HEATR5B: variants seen among roughly 807,000 people sequenced by gnomAD.
The protein encoded by HEATR5B is HEAT repeat containing 5B, also known as HEAT repeat-containing protein 5B.
A neutral mutation model predicts 224.1 loss-of-function variants in HEATR5B; 156 were observed. That is an observed-to-expected ratio of 0.70 (90% CI 0.61 to 0.80). HEATR5B has a LOEUF of 0.80. Ranked by LOEUF, HEATR5B falls within the 30% of genes least tolerant of loss-of-function variation. The probability of loss-of-function intolerance (pLI) is 0.00; values close to 1 mark genes in which losing one functional copy is unlikely to be tolerated. For synonymous variants in HEATR5B, 1,027 were observed against 893.0 expected (o/e 1.15, Z -2.68); for missense variants, 2,323 against 2,535.5 (o/e 0.92, Z 1.80).
chr2:37,066,791 T>C (rs1334682969), intron 8 of HEATR5B, among the ~76,000 whole-genome samples: 1 of 152,202 alleles, frequency 6.6e-6, no homozygotes, highest in East Asian at 1.9e-4. Context: ...ACTTTCTTTT[T>C]TGCATTCATT....
At position 37,032,697 on chromosome 2, in the gene HEATR5B, G is replaced by A; in HGVS notation, c.3293C>T (p.Ala1098Val). 1 of 1,613,986 alleles carries A rather than the reference G, an allele frequency of 6.2e-7. No homozygotes were observed. Among genetic ancestry groups the A allele is most frequent in the Non-Finnish European group, 8.5e-7 (1 of 1,179,936 alleles). Residue 1098 changes from alanine to valine, a missense_variant, in exon 22 of 36, where the codon GCA becomes GTA. Coordinates refer to ENST00000233099, the MANE Select transcript of HEATR5B (RefSeq NM_019024.3). ...CATGGCATATTCACATACTTCCGCT[G>A]CTTCTCTTTGTGCAAGTTGCCGAAG... ...ACLRQLAQRE[A>V]AEVCEYAMSL...
chr2:37,024,715 A>AAATAAAAAG (rs1668663373), intron 24 of HEATR5B, among the ~76,000 whole-genome samples: 1 of 152,208 alleles, frequency 6.6e-6, no homozygotes, highest in Admixed American at 6.5e-5. Flanking sequence ...ACCTAAAAGT[A>AAATAAAAAG]AATAAAAAGA....
In HEATR5B at chr2:37,054,964, G is replaced by T. The variant is rs570357173; in HGVS notation, c.2400-1357C>A. 46 of 188,262 alleles carry T rather than the reference G, an allele frequency of 2.4e-4. No homozygotes were observed. In the East Asian group the frequency reaches 6.0e-3, roughly 25 times the overall value. 11.7% of individuals were successfully genotyped at this position (188,262 alleles called of 1,614,324 possible). On this transcript the variant is annotated intron_variant, in intron 16 of 35. Transcript: ENST00000233099. ...AAGCTCAATTTATACTAGTCTACAGGTCTCAGGTCTCAGGTCAAAGCATTA... is the reference window on the plus strand; with the variant it reads ...AAGCTCAATTTATACTAGTCTACAGTTCTCAGGTCTCAGGTCAAAGCATTA...
intron 24 of HEATR5B, among the ~76,000 whole-genome samples, chr2:37,022,876 C>G (rs1011741090): frequency 6.6e-6 from 1 of 151,946 alleles, no homozygotes; most frequent in Non-Finnish European, 1.5e-5. Context: ...AAATCCAGCA[C>G]TAATATCGTA....
intron 17 of HEATR5B, 44 bp downstream of exon 17, chr2:37,053,454 CATTA>C: frequency 9.9e-7 from 1 of 1,008,620 alleles, no homozygotes; most frequent in Non-Finnish European, 1.5e-6. Context: ...TTATTAAATG[CATTA>C]ATTAAAAACT....
At chr2:37,041,946 G>T (rs1669898731) in intron 18 of HEATR5B, among the ~76,000 whole-genome samples, 1 of 151,362 alleles carries the variant, frequency 6.6e-6, no homozygotes, top group Non-Finnish European at 1.5e-5. Context: ...ATAGTAAAAA[G>T]GTATTTGTTT....
At chr2:37,039,207 C>T (rs1374384244) in intron 20 of HEATR5B, among the ~76,000 whole-genome samples, 1 of 151,548 alleles carries the variant, frequency 6.6e-6, no homozygotes, top group Non-Finnish European at 1.5e-5. Flanking sequence ...TGGCTCACGC[C>T]TGTAATCCCA....
At chr2:37,025,861 CTTAT>C (rs1336588102) in intron 24 of HEATR5B, among the ~76,000 whole-genome samples, 3 of 152,108 alleles carry the variant, frequency 2.0e-5, no homozygotes, top group African/African-American at 4.8e-5. Context: ...TTTTTATTTA[CTTAT>C]TTATTTATTT....
intron 26 of HEATR5B, among the ~76,000 whole-genome samples, chr2:37,016,340 T>C (rs1668116411): frequency 6.6e-6 from 1 of 152,102 alleles, no homozygotes; most frequent in Non-Finnish European, 1.5e-5. Context: ...TTTGATCTCC[T>C]GACCTCGTGA....
intron 21 of HEATR5B, 115 bp from the exon 22 acceptor site, chr2:37,032,888 T>TG (rs562792976): frequency 6.1e-5 from 58 of 953,918 alleles, no homozygotes; most frequent in African/African-American, 1.8e-4. Context: ...TGTTTTGTTT[T>TG]TTTTTTTTTG....
chr2:37,074,787 T>C (rs914383130), intron 5 of HEATR5B, among the ~76,000 whole-genome samples: 3 of 152,174 alleles, frequency 2.0e-5, no homozygotes, highest in African/African-American at 4.8e-5. Context: ...AATAAGCACC[T>C]GAAAATATGC....
chr2:37,082,413 C>CA (rs568806531), intron 2 of HEATR5B, among the ~76,000 whole-genome samples: 203 of 152,112 alleles, frequency 1.3e-3, no homozygotes, highest in African/African-American at 4.5e-3. Context: ...ATAAAATACA[C>CA]AGACAATAAA....
rs1258269213 is a variant in HEATR5B at position 37,058,984 on chromosome 2, A to C, written c.1853T>G (p.Met618Arg). The part of the protein sequence containing the change: ...LEGRAGALCA[M>R]RSFVAHCPEL... ...AGGACAATGTGCAACGAAGCTCCTCATGGCTAGATAAAATGTTTAAAAGGA... is the reference window on the plus strand; with the variant it reads ...AGGACAATGTGCAACGAAGCTCCTCCTGGCTAGATAAAATGTTTAAAAGGA... Residue 618 changes from methionine to arginine, a missense_variant, in exon 13 of 36, where the codon ATG becomes AGG. Physicochemically the swap from Met to Arg is moderately conservative, Grantham distance 91. Transcript: ENST00000233099. The C allele has an allele frequency of 1.3e-6, 2 of 1,599,592 alleles. No individual in the cohort carries two copies. The highest frequency in any genetic ancestry group is 2.3e-5 in the South Asian group (2 of 88,748).
At chr2:37,073,237 G>C (rs934126651) in intron 5 of HEATR5B, among the ~76,000 whole-genome samples, 29 of 152,146 alleles carry the variant, frequency 1.9e-4, no homozygotes, top group African/African-American at 7.0e-4. Flanking sequence ...TATATAATAA[G>C]GATGATATAT....
intron 10 of HEATR5B, among the ~76,000 whole-genome samples, chr2:37,062,284 G>C (rs570357112): frequency 1.3e-5 from 2 of 152,208 alleles, no homozygotes; most frequent in South Asian, 4.2e-4. Context: ...AAAAAAATTA[G>C]CCAGGCATGG....
At chr2:37,065,286 T>G (rs942167332) in intron 9 of HEATR5B, among the ~76,000 whole-genome samples, 1 of 152,148 alleles carries the variant, frequency 6.6e-6, no homozygotes, top group African/African-American at 2.4e-5. Context: ...TTCCAAAACT[T>G]TATTTAACCA....
At chr2:37,036,739 T>A (rs1195185638) in intron 21 of HEATR5B, among the ~76,000 whole-genome samples, 1 of 152,024 alleles carries the variant, frequency 6.6e-6, no homozygotes, top group Non-Finnish European at 1.5e-5. Flanking sequence ...CTCGAACTCC[T>A]GACCTCAGGT....
Position 37,007,167 on chromosome 2 carries a change from C to T in HEATR5B, c.4660G>A (p.Ala1554Thr). The T allele has an allele frequency of 6.2e-7, 1 of 1,614,036 alleles. No homozygotes were observed. Among genetic ancestry groups the T allele is most frequent in the South Asian group, 1.1e-5 (1 of 91,080 alleles). ...GAACGTTTTTGTAAACCAGATATTG[C>T]TGCTGCTTCTGTAGACTCTGAGCAC... The part of the protein sequence containing the change: ...FTCSESTEAA[A>T]ISGLQKRSTS... Residue 1554 changes from alanine to threonine, a missense_variant, in exon 29 of 36, where the codon GCA becomes ACA. Ala to Thr is a moderately conservative substitution (Grantham distance 58). Transcript: ENST00000233099.
At chr2:37,081,126 C>G (rs1572957512) in intron 2 of HEATR5B, among the ~76,000 whole-genome samples, 1 of 152,114 alleles carries the variant, frequency 6.6e-6, no homozygotes, top group African/African-American at 2.4e-5. Context: ...AATGGCTGGA[C>G]AAGTGCTGTT....
Sources: allele counts gnomAD v4.1 joint callset (sites outside exome capture counted in the v4.1 genomes callset), GRCh38; gene constraint gnomAD v4.1.1; transcripts MANE v1.5; gene names NCBI Gene and HGNC (gene_info 2026-07-23, HGNC 2026-07-21).